The following STARD13 variants were observed in gnomAD, a reference collection of about 807,000 sequenced individuals.
STARD13 encodes the protein stAR-related lipid transfer protein 13.
STARD13 carries 62 observed loss-of-function variants against 106.4 expected under a neutral mutation model. The observed-to-expected ratio is 0.58, with a 90% CI of 0.48 to 0.72. The LOEUF is 0.72. STARD13 is among the 30% of genes least tolerant of loss of function. The probability of loss-of-function intolerance (pLI) is 0.00; values close to 1 mark genes in which losing one functional copy is unlikely to be tolerated. For synonymous variants in STARD13, 565 were observed against 553.0 expected, an observed-to-expected ratio of 1.02 and a Z score of -0.31; for missense variants, 1,387 against 1,424.0, an observed-to-expected ratio of 0.97 and a Z score of 0.42.
At position 33,111,692 on chromosome 13, in the gene STARD13, G is replaced by A. The variant is rs1874592167; in HGVS notation, c.2607+86C>T. 18 of 826,784 alleles carry A rather than the reference G, an allele frequency of 2.2e-5. No individual in the cohort carries two copies. The South Asian group carries it at 2.5e-4, about 12-fold the overall frequency. 51.2% of individuals were successfully genotyped at this position (826,784 alleles called of 1,614,324 possible). ...TCATAAAATCAGGAACAAACAGATA[G>A]AAACCATAAATGTAGCAACAATCCC... On this transcript the variant is annotated intron_variant, in intron 10 of 13. Coordinates refer to ENST00000336934, the MANE Select transcript of STARD13 (RefSeq NM_178006.4).
At chr13:33,450,021 A>G in the STARD13 span, among the ~76,000 whole-genome samples, 4 of 152,148 alleles carry the variant, frequency 2.6e-5, no homozygotes, top group East Asian at 1.9e-4. Flanking sequence ...AGATCATACT[A>G]TCTGCGAATA....
At chr13:33,499,141 AAAC>A in the STARD13 span, among the ~76,000 whole-genome samples, 1 of 152,284 alleles carries the variant, frequency 6.6e-6, no homozygotes. Flanking sequence ...CTGTCTCAAA[AAAC>A]AAACAAACAA....
the STARD13 span, among the ~76,000 whole-genome samples, chr13:33,668,587 T>C: frequency 6.6e-6 from 1 of 152,212 alleles, no homozygotes; most frequent in Non-Finnish European, 1.5e-5. Flanking sequence ...CAAGAGGTAG[T>C]CTCTATGCCC....
the STARD13 span, among the ~76,000 whole-genome samples, chr13:33,399,860 G>A: frequency 6.6e-6 from 1 of 152,036 alleles, no homozygotes; most frequent in Non-Finnish European, 1.5e-5. Flanking sequence ...GCCTAGGGCT[G>A]GGATTGAGGG....
chr13:33,369,916 T>C, the STARD13 span, among the ~76,000 whole-genome samples: 1 of 152,224 alleles, frequency 6.6e-6, no homozygotes, highest in East Asian at 1.9e-4. Context: ...ATGTTTCTAG[T>C]GTTACATTCA....
the STARD13 span, among the ~76,000 whole-genome samples, chr13:33,662,188 G>A: frequency 3.9e-4 from 59 of 151,856 alleles, no homozygotes; most frequent in African/African-American, 9.7e-4. Flanking sequence ...CGTGAACCCC[G>A]GAGGCGGAGC....
At chr13:33,529,244 G>T in the STARD13 span, among the ~76,000 whole-genome samples, 1 of 152,270 alleles carries the variant, frequency 6.6e-6, no homozygotes, top group Non-Finnish European at 1.5e-5. Flanking sequence ...ATCCCATGAT[G>T]TGATCTGTTG....
At chr13:33,337,349 CTTAA>C (rs3028547) in intron 1 of STARD13, among the ~76,000 whole-genome samples, 84,015 of 151,462 alleles carry the variant, frequency 0.55, 25,003 homozygotes, top group East Asian at 0.94. Flanking sequence ...TAAGACACAG[CTTAA>C]TTAAGACATT....
chr13:33,637,219 G>A, the STARD13 span, among the ~76,000 whole-genome samples: 1 of 152,214 alleles, frequency 6.6e-6, no homozygotes, highest in Non-Finnish European at 1.5e-5. Flanking sequence ...GTAAGCTGAA[G>A]CATGGCTTTA....
At chr13:33,619,347 C>T in the STARD13 span, among the ~76,000 whole-genome samples, 28 of 152,064 alleles carry the variant, frequency 1.8e-4, no homozygotes, top group African/African-American at 6.3e-4. Flanking sequence ...TGTTCTCTAG[C>T]ATACTGTAAA....
the STARD13 span, among the ~76,000 whole-genome samples, chr13:33,494,702 G>A: frequency 6.6e-6 from 1 of 152,008 alleles, no homozygotes; most frequent in East Asian, 1.9e-4. Context: ...CAGGAAAATA[G>A]CTTTTTGACC....
At chr13:33,501,015 A>G in the STARD13 span, among the ~76,000 whole-genome samples, 1 of 150,222 alleles carries the variant, frequency 6.7e-6, no homozygotes, top group Non-Finnish European at 1.5e-5. Flanking sequence ...GTCTTAAAAA[A>G]AAAAACCTAA....
chr13:33,283,715 G>T (rs1454909548), intron 1 of STARD13, among the ~76,000 whole-genome samples: 2 of 152,070 alleles, frequency 1.3e-5, no homozygotes, highest in Non-Finnish European at 2.9e-5. Flanking sequence ...AAAAAAGAGG[G>T]AATTCTCAAA....
At chr13:33,280,087 A>G (rs961060781) in intron 1 of STARD13, 2 of 152,230 alleles carry the variant, frequency 1.3e-5, no homozygotes, top group Non-Finnish European at 2.9e-5. Flanking sequence ...GTTTGAAAGT[A>G]GTCGGGCAAG....
chr13:33,556,109 G>A, the STARD13 span, among the ~76,000 whole-genome samples: 3 of 152,078 alleles, frequency 2.0e-5, no homozygotes, highest in Non-Finnish European at 4.4e-5. Flanking sequence ...ACAATGTAAT[G>A]GACTTTTAAT....
intron 1 of STARD13, among the ~76,000 whole-genome samples, chr13:33,209,111 G>A (rs1401637457): frequency 6.6e-6 from 1 of 152,124 alleles, no homozygotes; most frequent in Non-Finnish European, 1.5e-5. Context: ...AAAATATTGG[G>A]GAGTGGAATG....
the STARD13 span, among the ~76,000 whole-genome samples, chr13:33,384,189 A>T: frequency 6.6e-6 from 1 of 152,214 alleles, no homozygotes; most frequent in Admixed American, 6.5e-5. Flanking sequence ...AGATAAAAGG[A>T]ACAGTGACAT....
the STARD13 span, among the ~76,000 whole-genome samples, chr13:33,657,942 C>G: frequency 2.0e-5 from 3 of 152,194 alleles, no homozygotes; most frequent in African/African-American, 7.2e-5. Context: ...ATGATTTTAA[C>G]TATTTTTAAG....
the STARD13 span, among the ~76,000 whole-genome samples, chr13:33,614,343 T>C: frequency 3.0e-4 from 45 of 150,916 alleles, no homozygotes; most frequent in Admixed American, 3.0e-3. Context: ...CTGTGATTGA[T>C]TGCAGCCAAA....
Sources: gnomAD v4.1 joint callset for allele counts (sites outside exome capture counted in the v4.1 genomes callset) on GRCh38, gnomAD v4.1.1 for gene constraint, MANE v1.5 for transcripts, NCBI Gene and HGNC (gene_info 2026-07-23, HGNC 2026-07-21) for gene names.